TPTE2: variants seen among roughly 807,000 people sequenced by gnomAD.
TPTE2 encodes phosphatidylinositol 3,4,5-trisphosphate 3-phosphatase TPTE2.
A neutral mutation model predicts 78.6 loss-of-function variants in TPTE2; 53 were observed. The observed-to-expected ratio is 0.67, with a 90% CI of 0.54 to 0.85. The LOEUF is 0.85. Ranked by LOEUF, TPTE2 falls within the 40% of genes least tolerant of loss-of-function variation. The pLI is 0.00. For missense variants in TPTE2, 461 were observed against 623.0 expected, an observed-to-expected ratio of 0.74 and a Z score of 2.77; for synonymous variants, 175 against 206.2, an observed-to-expected ratio of 0.85 and a Z score of 1.30.
upstream of TPTE2, among the ~76,000 whole-genome samples, chr13:19,506,439 C>T (rs1172069986): frequency 6.6e-6 from 1 of 152,044 alleles, no homozygotes; most frequent in African/African-American, 2.4e-5. Flanking sequence ...TCCCAAAGTG[C>T]TGGGATTACA....
intron 3 of TPTE2, 30 bp from the exon 7 acceptor site, chr13:19,482,577 A>G (rs28430558): frequency 3.1e-6 from 5 of 1,608,198 alleles, no homozygotes; most frequent in Non-Finnish European, 4.2e-6. Context: ...ATGCAAAAAT[A>G]TATCATTAGA....
intron 1 of TPTE2, among the ~76,000 whole-genome samples, chr13:19,531,882 G>A (rs573213966): frequency 1.6e-4 from 25 of 152,162 alleles, no homozygotes; most frequent in Admixed American, 2.6e-4. Context: ...AGCCAAGATC[G>A]CGCCACTGCA....
At chr13:19,558,227 T>C in the TPTE2 span, among the ~76,000 whole-genome samples, 1 of 152,324 alleles carries the variant, frequency 6.6e-6, no homozygotes, top group South Asian at 2.1e-4. Flanking sequence ...GCTTTTGTAG[T>C]ATTAAATAAA....
At chr13:19,426,158 T>C (rs902830181) in intron 18 of TPTE2, 14 of 350,232 alleles carry the variant, frequency 4.0e-5, no homozygotes, top group African/African-American at 3.0e-4. Flanking sequence ...TCTTGGCTTT[T>C]ACTTTTTTTG....
At chr13:19,543,286 CA>C in the TPTE2 span, among the ~76,000 whole-genome samples, 12 of 151,160 alleles carry the variant, frequency 7.9e-5, no homozygotes, top group Non-Finnish European at 1.8e-4. Context: ...CTCCTGACCT[CA>C]GGTGATCTGC....
intron 13 of TPTE2, 80 bp from the exon 17 acceptor site, chr13:19,438,233 C>T: frequency 1.3e-6 from 2 of 1,508,844 alleles, no homozygotes. Context: ...TGCATTTTAA[C>T]TTGATTTTCT....
At chr13:19,497,188 G>A (rs1453510762) in intron 1 of TPTE2, among the ~76,000 whole-genome samples, 42 of 151,356 alleles carry the variant, frequency 2.8e-4, no homozygotes, top group Middle Eastern at 3.4e-3. Flanking sequence ...ACAGCAGTCT[G>A]AGATCAAACT....
chr13:19,435,793 C>CA (rs1877038732), intron 15 of TPTE2, among the ~76,000 whole-genome samples: 2 of 150,168 alleles, frequency 1.3e-5, no homozygotes, highest in South Asian at 4.3e-4. Context: ...CACACACACA[C>CA]CAGGAGTCAT....
At chr13:19,529,239 A>AGAAGAGC (rs1322269441) in intron 1 of TPTE2, among the ~76,000 whole-genome samples, 1 of 152,210 alleles carries the variant, frequency 6.6e-6, no homozygotes, top group Admixed American at 6.5e-5. Context: ...AGTCTCAAAG[A>AGAAGAGC]GAAGAGCCCC....
At chr13:19,487,025 G>A (rs1251227362) in intron 3 of TPTE2, among the ~76,000 whole-genome samples, 1 of 152,188 alleles carries the variant, frequency 6.6e-6, no homozygotes, top group Non-Finnish European at 1.5e-5. Flanking sequence ...TGGCTGATTG[G>A]CTAGTCTGGA....
At chr13:19,546,156 C>T in the TPTE2 span, among the ~76,000 whole-genome samples, 4 of 152,132 alleles carry the variant, frequency 2.6e-5, no homozygotes, top group African/African-American at 7.2e-5. Flanking sequence ...TGTGATTACA[C>T]CACTGCACTC....
At chr13:19,556,694 T>G in the TPTE2 span, among the ~76,000 whole-genome samples, 1 of 152,104 alleles carries the variant, frequency 6.6e-6, no homozygotes, top group Non-Finnish European at 1.5e-5. Flanking sequence ...CCTGGATAAT[T>G]TTTTTCTATT....
At chr13:19,432,927 C>T (rs1355518808) in intron 15 of TPTE2, among the ~76,000 whole-genome samples, 1 of 152,104 alleles carries the variant, frequency 6.6e-6, no homozygotes, top group Admixed American at 6.5e-5. Flanking sequence ...TAGAGGAAGG[C>T]TTGTGGTTTG....
chr13:19,444,421 A>T (rs1417727758), intron 13 of TPTE2, among the ~76,000 whole-genome samples: 1 of 151,828 alleles, frequency 6.6e-6, no homozygotes, highest in Non-Finnish European at 1.5e-5. Flanking sequence ...TAAAACAACA[A>T]AAAACATTTA....
chr13:19,561,013 A>G, the TPTE2 span: 15 of 1,579,564 alleles, frequency 9.5e-6, no homozygotes, highest in Non-Finnish European at 1.3e-5. Flanking sequence ...CCACGTCCCC[A>G]CAGACCAGGC....
At chr13:19,561,259 G>GCGCTGGTCACCTGACA in the TPTE2 span, 1 of 1,270,742 alleles carries the variant, frequency 7.9e-7, no homozygotes, top group East Asian at 2.5e-5. Flanking sequence ...GCTGGACATG[G>GCGCTGGTCACCTGACA]CGCTGGTCAC....
At chr13:19,559,860 G>C in the TPTE2 span, among the ~76,000 whole-genome samples, 1,628 of 96,326 alleles carry the variant, frequency 0.017, 20 homozygotes, top group African/African-American at 0.045. Flanking sequence ...GGGGAGGGGA[G>C]GGAGTGGGGC....
At chr13:19,424,337 G>GT (rs962955665) in intron 19 of TPTE2, among the ~76,000 whole-genome samples, 4 of 152,122 alleles carry the variant, frequency 2.6e-5, no homozygotes, top group African/African-American at 9.7e-5. Context: ...AATATGGCAG[G>GT]TTTTTTTGGA....
intron 18 of TPTE2, among the ~76,000 whole-genome samples, chr13:19,425,429 C>T (rs191130267): frequency 4.6e-5 from 7 of 152,254 alleles, no homozygotes; most frequent in African/African-American, 1.4e-4. Flanking sequence ...ATCTCAGAAG[C>T]GGGGTTCAGT....
Sources: allele counts gnomAD v4.1 joint callset (sites outside exome capture counted in the v4.1 genomes callset), GRCh38; gene constraint gnomAD v4.1.1; transcripts MANE v1.5; gene names NCBI Gene and HGNC (gene_info 2026-07-23, HGNC 2026-07-21).